STARD13: variants seen among roughly 807,000 people sequenced by gnomAD.
STARD13 encodes StAR related lipid transfer domain containing 13.
Under a neutral mutation model 106.4 loss-of-function variants are expected in STARD13, and 62 were observed. The ratio of observed to expected loss-of-function variants is 0.58; its 90% confidence interval spans 0.48 to 0.72. STARD13 has a LOEUF of 0.72. Among genes scored for constraint, STARD13 ranks in the 30% least tolerant of loss-of-function variants. The pLI, the probability that STARD13 is intolerant of heterozygous loss-of-function variation, is 0.00. For missense variants in STARD13, 1,387 were observed against 1,424.0 expected (o/e 0.97, Z 0.42); for synonymous variants, 565 against 553.0 (o/e 1.02, Z -0.31).
chr13:33,274,147 A>C (rs1380230728), intron 1 of STARD13: 2 of 151,188 alleles, frequency 1.3e-5, no homozygotes, highest in Non-Finnish European at 2.9e-5. Flanking sequence ...TGATTCATGT[A>C]GTGGGGGCTG....
At chr13:33,144,091 C>G (rs1389981567) in intron 3 of STARD13, among the ~76,000 whole-genome samples, 5 of 152,144 alleles carry the variant, frequency 3.3e-5, no homozygotes, top group Admixed American at 1.3e-4. Flanking sequence ...GAGGTCCATC[C>G]CTTTTTACTC....
chr13:33,546,873 ATAAT>A, the STARD13 span, among the ~76,000 whole-genome samples: 1 of 152,212 alleles, frequency 6.6e-6, no homozygotes, highest in Admixed American at 6.5e-5. Flanking sequence ...ATAAATTATA[ATAAT>A]TCTTTTAAAG....
At chr13:33,574,669 G>C in the STARD13 span, among the ~76,000 whole-genome samples, 1 of 152,126 alleles carries the variant, frequency 6.6e-6, no homozygotes, top group African/African-American at 2.4e-5. Context: ...TACAGTCTGG[G>C]ATGTCGAGGC....
At chr13:33,402,827 G>C in the STARD13 span, among the ~76,000 whole-genome samples, 1 of 152,314 alleles carries the variant, frequency 6.6e-6, no homozygotes, top group Middle Eastern at 3.4e-3. Flanking sequence ...CAAACTCCAG[G>C]GGAAGATCAT....
the STARD13 span, among the ~76,000 whole-genome samples, chr13:33,532,665 T>C: frequency 6.6e-6 from 1 of 152,208 alleles, no homozygotes; most frequent in Non-Finnish European, 1.5e-5. Context: ...CCTGGGATAC[T>C]GTGTGTACAA....
the STARD13 span, among the ~76,000 whole-genome samples, chr13:33,675,960 A>G: frequency 0.065 from 9,910 of 152,282 alleles, 796 homozygotes; most frequent in East Asian, 0.25. Flanking sequence ...GTACATTTCT[A>G]CAGGAAGATC....
the STARD13 span, among the ~76,000 whole-genome samples, chr13:33,500,234 AGAGT>A: frequency 3.3e-5 from 5 of 152,210 alleles, no homozygotes; most frequent in Non-Finnish European, 5.9e-5. Flanking sequence ...AGAAAAATTT[AGAGT>A]GAAAGTAAGG....
the STARD13 span, among the ~76,000 whole-genome samples, chr13:33,462,186 A>G: frequency 3.9e-5 from 6 of 152,182 alleles, no homozygotes; most frequent in African/African-American, 1.4e-4. Context: ...CTTCCTGGGA[A>G]TGAAGTCCAC....
the STARD13 span, among the ~76,000 whole-genome samples, chr13:33,630,713 T>C: frequency 6.6e-6 from 1 of 152,194 alleles, no homozygotes; most frequent in East Asian, 1.9e-4. Context: ...TAGTGCTGGA[T>C]ATGTGCTAGC....
upstream of STARD13, among the ~76,000 whole-genome samples, chr13:33,288,742 G>A (rs534354926): frequency 1.2e-4 from 18 of 152,160 alleles, no homozygotes; most frequent in African/African-American, 3.6e-4. Context: ...ATACAGGGCC[G>A]CTAAAGTTTT....
the STARD13 span, among the ~76,000 whole-genome samples, chr13:33,535,631 T>C: frequency 6.6e-6 from 1 of 152,166 alleles, no homozygotes; most frequent in African/African-American, 2.4e-5. Context: ...GAGGAGAAAG[T>C]TCTTAGAACA....
At chr13:33,575,869 G>C in the STARD13 span, among the ~76,000 whole-genome samples, 1 of 152,022 alleles carries the variant, frequency 6.6e-6, no homozygotes, top group Non-Finnish European at 1.5e-5. Context: ...ACCCAAAACA[G>C]ACTAATGTAC....
intron 1 of STARD13, among the ~76,000 whole-genome samples, chr13:33,204,483 C>T (rs187967719): frequency 7.5e-4 from 114 of 152,250 alleles, no homozygotes; most frequent in Non-Finnish European, 1.4e-3. Context: ...TTTCTGATTT[C>T]CCCAATAAGA....
chr13:33,206,093 C>T (rs985169062), intron 1 of STARD13: 10 of 756,962 alleles, frequency 1.3e-5, no homozygotes, highest in African/African-American at 7.6e-5. Context: ...GAGAAAAAAA[C>T]GAAAACTCAC....
At chr13:33,364,950 C>T in the STARD13 span, among the ~76,000 whole-genome samples, 1 of 152,132 alleles carries the variant, frequency 6.6e-6, no homozygotes, top group Non-Finnish European at 1.5e-5. Flanking sequence ...GTAGCTGTTA[C>T]ATGAAACCAG....
At chr13:33,359,245 A>T in the STARD13 span, among the ~76,000 whole-genome samples, 1 of 152,160 alleles carries the variant, frequency 6.6e-6, no homozygotes, top group African/African-American at 2.4e-5. Context: ...AAAGATCTGC[A>T]GCTTCACTCC....
intron 1 of STARD13, among the ~76,000 whole-genome samples, chr13:33,197,151 C>T (rs919052017): frequency 6.6e-6 from 1 of 152,170 alleles, no homozygotes. Context: ...TGTGTTTGTA[C>T]TACATGCTGG....
chr13:33,664,816 C>T, the STARD13 span, among the ~76,000 whole-genome samples: 5 of 152,248 alleles, frequency 3.3e-5, no homozygotes, highest in East Asian at 1.9e-4. Context: ...TTAGTAGAGA[C>T]GAGGTTTCAC....
At chr13:33,508,670 G>A in the STARD13 span, among the ~76,000 whole-genome samples, 21 of 152,154 alleles carry the variant, frequency 1.4e-4, no homozygotes, top group African/African-American at 3.9e-4. Flanking sequence ...CCCATTCCTG[G>A]GAAAAAGGCA....
Sources: allele counts gnomAD v4.1 joint callset (sites outside exome capture counted in the v4.1 genomes callset), GRCh38; gene constraint gnomAD v4.1.1; transcripts MANE v1.5; gene names NCBI Gene and HGNC (gene_info 2026-07-23, HGNC 2026-07-21).